PHF20: variants seen among roughly 807,000 people sequenced by gnomAD.
PHF20 encodes glioma-expressed antigen 2.
PHF20 carries 23 observed loss-of-function variants against 113.5 expected under a neutral mutation model. The observed-to-expected ratio is 0.20, with a 90% CI of 0.15 to 0.29. PHF20 has a LOEUF of 0.29. PHF20 is among the 10% of genes least tolerant of loss of function. PHF20 has a pLI of 1.00. For synonymous variants in PHF20, 434 were observed against 457.3 expected (o/e 0.95, Z 0.65); for missense variants, 943 against 1,219.6 (o/e 0.77, Z 3.38).
intron 9 of PHF20, among the ~76,000 whole-genome samples, chr20:35,879,642 C>G (rs1304301135): frequency 6.6e-6 from 1 of 151,754 alleles, no homozygotes; most frequent in Non-Finnish European, 1.5e-5. Flanking sequence ...ATTCTCCTGT[C>G]TAACCTGAAT....
intron 1 of PHF20, among the ~76,000 whole-genome samples, chr20:35,794,475 A>G (rs2041628828): frequency 2.0e-5 from 3 of 152,084 alleles, no homozygotes; most frequent in African/African-American, 7.2e-5. Flanking sequence ...GGGGGGCATA[A>G]AGATTTAAGC....
At chr20:35,877,106 CAAAAA>C (rs760494622) in intron 9 of PHF20, among the ~76,000 whole-genome samples, 2 of 32,370 alleles carry the variant, frequency 6.2e-5, no homozygotes, top group Non-Finnish European at 6.4e-5. Context: ...GACTCTGTCT[CAAAAA>C]AAAAAAAAAA....
At chr20:35,901,511 G>C (rs2055097025) in intron 10 of PHF20, among the ~76,000 whole-genome samples, 1 of 151,968 alleles carries the variant, frequency 6.6e-6, no homozygotes, top group Non-Finnish European at 1.5e-5. Flanking sequence ...CCAAGATAAA[G>C]GATTGGGCTT....
intron 2 of PHF20, among the ~76,000 whole-genome samples, chr20:35,825,822 AC>A (rs2042250634): frequency 6.6e-6 from 1 of 151,870 alleles, no homozygotes; most frequent in Non-Finnish European, 1.5e-5. Context: ...CCCAGCTCTT[AC>A]ACTTTTATTT....
At chr20:35,903,021 C>CTT (rs370237613) in intron 10 of PHF20, among the ~76,000 whole-genome samples, 5,219 of 91,368 alleles carry the variant, frequency 0.057, 222 homozygotes, top group African/African-American at 0.13. Flanking sequence ...TTTCTTTTTT[C>CTT]TTTTTTTTTT....
chr20:35,883,559 A>G (rs1439098646), intron 9 of PHF20, among the ~76,000 whole-genome samples: 1 of 152,160 alleles, frequency 6.6e-6, no homozygotes, highest in Non-Finnish European at 1.5e-5. Context: ...CCCACTGTTC[A>G]GCCTCCTAAA....
intron 17 of PHF20, among the ~76,000 whole-genome samples, chr20:35,941,424 GA>G (rs1455603387): frequency 5.9e-5 from 9 of 152,200 alleles, no homozygotes; most frequent in African/African-American, 2.2e-4. Flanking sequence ...GATTTAATCT[GA>G]AAAACCTCTT....
chr20:35,801,084 G>A (rs1468067325), intron 1 of PHF20, among the ~76,000 whole-genome samples: 1 of 152,196 alleles, frequency 6.6e-6, no homozygotes, highest in Non-Finnish European at 1.5e-5. Context: ...TGTTTCCCCG[G>A]TAGACTGAAG....
chr20:35,890,824 G>A (rs2054835044), intron 9 of PHF20, among the ~76,000 whole-genome samples: 1 of 152,186 alleles, frequency 6.6e-6, no homozygotes, highest in Non-Finnish European at 1.5e-5. Context: ...GGAGGTTGCA[G>A]TGACCCGAGA....
chr20:35,772,292 T>A (rs1444743917), intron 1 of PHF20, among the ~76,000 whole-genome samples: 1 of 151,372 alleles, frequency 6.6e-6, no homozygotes, highest in Non-Finnish European at 1.5e-5. Context: ...CGGTGCCCAA[T>A]CCCCGGGGCT....
In PHF20 at chr20:35,931,406, G is replaced by A. The variant is rs1324831147; in HGVS notation, c.2262G>A (p.Glu754=). The change falls in exon 15 of 18, where the codon GAG becomes GAA. Residue 754 remains glutamate (E), a synonymous_variant. Transcript: ENST00000374012. The stretch of plus-strand genomic sequence containing the variant: ...TTGGTGATGTGCAGAGAGTGATTGA[G>A]GTTCTGCATGGCCTGCAGCTCAAGA... ...QLLGDVQRVI[E]VLHGLQLKMS... The A allele has an allele frequency of 6.2e-7, 1 of 1,613,638 alleles. No individual in the cohort carries two copies. The highest frequency in any genetic ancestry group is 1.7e-5 in the Admixed American group (1 of 60,018).
chr20:35,877,047 C>T (rs952714788), intron 9 of PHF20, among the ~76,000 whole-genome samples: 1 of 141,582 alleles, frequency 7.1e-6, no homozygotes, highest in Non-Finnish European at 1.5e-5. Context: ...GCGGAGCTTG[C>T]AGTGAGCCTA....
At chr20:35,803,754 ATATATAT>A (rs145864926) in intron 2 of PHF20, among the ~76,000 whole-genome samples, 3,041 of 150,132 alleles carry the variant, frequency 0.02, 40 homozygotes, top group Middle Eastern at 0.043. Context: ...TATTGTATGT[ATATATAT>A]TATATAAGTA....
At chr20:35,841,206 A>G (rs1321799684) in intron 2 of PHF20, among the ~76,000 whole-genome samples, 2 of 151,768 alleles carry the variant, frequency 1.3e-5, no homozygotes. Context: ...TTAGCACTGT[A>G]TGGTGGTGTG....
chr20:35,943,768 A>C (rs1262639055), intron 17 of PHF20, among the ~76,000 whole-genome samples: 1 of 150,736 alleles, frequency 6.6e-6, no homozygotes, highest in African/African-American at 2.4e-5. Context: ...TTATAGGTGC[A>C]CACCGCCATG....
intron 2 of PHF20, among the ~76,000 whole-genome samples, chr20:35,831,335 A>T (rs996426633): frequency 7.2e-5 from 11 of 151,794 alleles, no homozygotes; most frequent in Middle Eastern, 3.4e-3. Flanking sequence ...AATTAAAAAA[A>T]TTTTTTTTTG....
intron 2 of PHF20, among the ~76,000 whole-genome samples, chr20:35,806,345 G>A (rs13043159): frequency 0.015 from 2,270 of 150,212 alleles, 33 homozygotes; most frequent in Non-Finnish European, 0.024. Flanking sequence ...ATTTTTAGTG[G>A]AGATGAGGTT....
chr20:35,938,026 C>T (rs1336342841), intron 15 of PHF20, among the ~76,000 whole-genome samples: 6 of 152,172 alleles, frequency 3.9e-5, no homozygotes, highest in Non-Finnish European at 8.8e-5. Context: ...CACCCGCCAC[C>T]ACGTCCAGCT....
At chr20:35,813,270 G>C (rs903936084) in intron 2 of PHF20, among the ~76,000 whole-genome samples, 1 of 152,126 alleles carries the variant, frequency 6.6e-6, no homozygotes, top group Non-Finnish European at 1.5e-5. Context: ...ACCGCGCCCG[G>C]CCCATTTTTA....
Sources: gnomAD v4.1 joint callset for allele counts (sites outside exome capture counted in the v4.1 genomes callset) on GRCh38, gnomAD v4.1.1 for gene constraint, MANE v1.5 for transcripts, NCBI Gene and HGNC (gene_info 2026-07-23, HGNC 2026-07-21) for gene names.